Variants in DENND5B observed in about 807,000 individuals in gnomAD.
DENND5B encodes DENN domain containing 5B.
A neutral mutation model predicts 140.6 loss-of-function variants in DENND5B; 34 were observed. The observed-to-expected ratio is 0.24, with a 90% CI of 0.18 to 0.32. The LOEUF is 0.32. Among genes scored for constraint, DENND5B ranks in the 10% least tolerant of loss-of-function variants. The pLI, the probability that DENND5B is intolerant of heterozygous loss-of-function variation, is 1.00. For synonymous variants in DENND5B, 551 were observed against 562.1 expected, an observed-to-expected ratio of 0.98 and a Z score of 0.28; for missense variants, 1,142 against 1,560.2, an observed-to-expected ratio of 0.73 and a Z score of 4.52.
intron 1 of DENND5B, among the ~76,000 whole-genome samples, chr12:31,559,206 C>A (rs561787692): frequency 1.3e-5 from 2 of 152,098 alleles, no homozygotes; most frequent in Non-Finnish European, 2.9e-5. Flanking sequence ...GTGGAGGAAA[C>A]GATGAACTCA....
chr12:31,398,255 T>C lies in DENND5B; in HGVS notation c.3176A>G (p.Gln1059Arg), dbSNP rs1176898617. The change falls in exon 17 of 21, where the codon CAG becomes CGG. Residue 1059 changes from glutamine (Q) to arginine (R), a missense_variant. This residue lies in a region of DENND5B where 268 missense variants were observed against 349.2 expected (regional missense o/e 0.77). Coordinates refer to ENST00000389082, the MANE Select transcript of DENND5B (RefSeq NM_144973.4). ...CTTCTGCTGGGGTGGAGTCCGACAC[T>C]GCTTTACTAGATCTTCATCTGATGC... is the stretch of plus-strand genomic sequence containing the variant. ...TSASDEDLVK[Q>R]CRTPPQQKSP... The C allele has an allele frequency of 1.3e-6, 2 of 1,593,098 alleles. No individual in the cohort carries two copies. Among genetic ancestry groups the C allele is most frequent in the Non-Finnish European group, 1.7e-6 (2 of 1,169,314 alleles).
chr12:31,456,301 G>A (rs2138188450), intron 4 of DENND5B, among the ~76,000 whole-genome samples: 1 of 143,028 alleles, frequency 7.0e-6, no homozygotes, highest in East Asian at 2.1e-4. Flanking sequence ...CTGCACTCCA[G>A]CCTGGGCAAC....
chr12:31,589,741 TAACAAC>T (rs542208897), intron 1 of DENND5B, among the ~76,000 whole-genome samples: 2 of 152,016 alleles, frequency 1.3e-5, no homozygotes, highest in Non-Finnish European at 2.9e-5. Flanking sequence ...CTCACCCATT[TAACAAC>T]AACAACAAAT....
At chr12:31,422,498 G>A (rs913194286) in intron 11 of DENND5B, among the ~76,000 whole-genome samples, 15 of 151,990 alleles carry the variant, frequency 9.9e-5, no homozygotes, top group African/African-American at 3.6e-4. Context: ...CTACTCAGGA[G>A]GCTGAGGCAG....
In DENND5B at chr12:31,384,943, A is replaced by AT. The variant is rs879903902; in HGVS notation, c.*2659dup. On this transcript the variant is annotated 3_prime_UTR_variant, in exon 21 of 21. Transcript: ENST00000389082. ...ACCACCCCCCCGCTAATTTTTGTCT[A>AT]TTTTTTTTTTTTAGTAGAGACGGGG... The AT allele has an allele frequency of 4.0e-3, 549 of 138,770 alleles. 2 individuals are homozygous for AT. Among genetic ancestry groups the AT allele is most frequent in the African/African-American group, 0.012 (468 of 37,886 alleles). The allele number at this position is 138,770 out of a possible 1,614,324, so 8.6% of individuals were successfully genotyped here.
chr12:31,548,186 G>A (rs1477271830), intron 1 of DENND5B, among the ~76,000 whole-genome samples: 1 of 151,974 alleles, frequency 6.6e-6, no homozygotes, highest in African/African-American at 2.4e-5. Flanking sequence ...GAGCGCAGAA[G>A]TTCAAGACCA....
At chr12:31,522,941 G>C (rs2139016767) in intron 1 of DENND5B, among the ~76,000 whole-genome samples, 1 of 152,172 alleles carries the variant, frequency 6.6e-6, no homozygotes, top group African/African-American at 2.4e-5. Context: ...TTCAGACCTA[G>C]AGTGGGGCTG....
chr12:31,553,925 C>CCTCCAT (rs1949170111), intron 1 of DENND5B, among the ~76,000 whole-genome samples: 1 of 152,170 alleles, frequency 6.6e-6, no homozygotes, highest in Admixed American at 6.5e-5. Context: ...GGTAGATCTT[C>CCTCCAT]CTCCATCCCT....
In DENND5B at chr12:31,453,267, C is replaced by G. The variant is rs117411399; in HGVS notation, c.1093-791G>C. Among the ~76,000 whole-genome samples, 255 of 151,984 alleles carry G rather than the reference C, an allele frequency of 1.7e-3. 3 individuals carry two copies. The East Asian group carries it at 0.046, about 27-fold the overall frequency. Reference sequence around the variant, plus strand: ...ACCTTTGAATAATTAAGAGTTCACACAAGATATTTTTGAGTTGAGTAGAAG... The same window carrying G: ...ACCTTTGAATAATTAAGAGTTCACAGAAGATATTTTTGAGTTGAGTAGAAG... On this transcript the variant is annotated intron_variant, in intron 4 of 20. Coordinates refer to ENST00000389082, the MANE Select transcript of DENND5B (RefSeq NM_144973.4).
chr12:31,563,683 ACTGT>A (rs1380763571), intron 1 of DENND5B, among the ~76,000 whole-genome samples: 1 of 152,240 alleles, frequency 6.6e-6, no homozygotes, highest in African/African-American at 2.4e-5. Flanking sequence ...AGGATTATTT[ACTGT>A]CTCTCTTCAT....
chr12:31,409,355 C>T lies in DENND5B; in HGVS notation c.2711G>A (p.Arg904His), dbSNP rs1276257487. ...KKLYKRYAFL[R>H]CEEEREQFLY... is the part of the protein sequence containing the mutation. ...AAACTGCTCTCTTTCTTCTTCGCAACGTAGAAAAGCATATCGCTTATAAAG... is the reference window on the plus strand; with the variant it reads ...AAACTGCTCTCTTTCTTCTTCGCAATGTAGAAAAGCATATCGCTTATAAAG... Residue 904 changes from arginine to histidine, a missense_variant, in exon 14 of 21, where the codon CGT becomes CAT. Transcript: ENST00000389082. 7.7e-6 allele frequency: 12 copies of T among 1,551,084 alleles called. No individual in the cohort carries two copies. Among genetic ancestry groups the T allele is most frequent in the East Asian group, 2.4e-5 (1 of 41,870 alleles).
intron 2 of DENND5B, among the ~76,000 whole-genome samples, chr12:31,488,867 A>C (rs1418895210): frequency 6.6e-6 from 1 of 152,182 alleles, no homozygotes; most frequent in Non-Finnish European, 1.5e-5. Flanking sequence ...ACAACTAAAA[A>C]TTAGAGGTGT....
At chr12:31,441,927 C>T (rs1841364372) in intron 7 of DENND5B, among the ~76,000 whole-genome samples, 1 of 152,162 alleles carries the variant, frequency 6.6e-6, no homozygotes, top group Non-Finnish European at 1.5e-5. Flanking sequence ...AAGCTATCTG[C>T]CTGCCTCGGC....
At chr12:31,435,345 T>TA (rs1269547382) in intron 7 of DENND5B, among the ~76,000 whole-genome samples, 1 of 152,170 alleles carries the variant, frequency 6.6e-6, no homozygotes, top group Non-Finnish European at 1.5e-5. Context: ...TCTCAAAGTA[T>TA]AAAATACATT....
At position 31,433,235 on chromosome 12, in the gene DENND5B, G is replaced by C; in HGVS notation, c.2026C>G (p.Arg676Gly). 6.2e-7 allele frequency: 1 copy of C among 1,610,448 alleles called. No homozygotes were observed. The highest frequency in any genetic ancestry group is 8.5e-7 in the Non-Finnish European group (1 of 1,178,770). Residue 676 changes from arginine to glycine, a missense_variant, in exon 8 of 21, where the codon CGG becomes GGG. Physicochemically the swap from Arg to Gly is moderately radical, Grantham distance 125. This residue lies in a region of DENND5B where 708 missense variants were observed against 905.5 expected (regional missense o/e 0.78). Coordinates refer to ENST00000389082, the MANE Select transcript of DENND5B (RefSeq NM_144973.4). Reference sequence around the variant, plus strand: ...TTCCTGCGCTGTGCAGTGGCACTCCGACTTACCCAGCGACTGAAACAATCA... The same window carrying C: ...TTCCTGCGCTGTGCAGTGGCACTCCCACTTACCCAGCGACTGAAACAATCA... ...GPTSNNRWVSRSATAQRRKER... is the reference protein window; with the variant it reads ...GPTSNNRWVSGSATAQRRKER...
chr12:31,586,340 A>G (rs1460623387), intron 1 of DENND5B, among the ~76,000 whole-genome samples: 2 of 152,152 alleles, frequency 1.3e-5, no homozygotes, highest in African/African-American at 2.4e-5. Flanking sequence ...CTCCCAAAGG[A>G]CGTTTTGTTC....
At chr12:31,418,751 G>A (rs529727186) in intron 11 of DENND5B, among the ~76,000 whole-genome samples, 6 of 152,094 alleles carry the variant, frequency 3.9e-5, no homozygotes, top group Non-Finnish European at 7.4e-5. Context: ...TGGCTAGAGG[G>A]AGACACGACA....
chr12:31,478,372 T>C (rs1368231004), intron 3 of DENND5B, among the ~76,000 whole-genome samples: 1 of 152,134 alleles, frequency 6.6e-6, no homozygotes, highest in East Asian at 1.9e-4. Context: ...CCAGTCGGGA[T>C]TGCACTACAA....
At chr12:31,546,550 G>C (rs760852331) in intron 1 of DENND5B, among the ~76,000 whole-genome samples, 1 of 152,120 alleles carries the variant, frequency 6.6e-6, no homozygotes, top group Non-Finnish European at 1.5e-5. Context: ...AGCCAGGCAT[G>C]GTGGTACGCG....
Sources: allele counts gnomAD v4.1 joint callset (sites outside exome capture counted in the v4.1 genomes callset), GRCh38; gene constraint gnomAD v4.1.1; regional missense constraint gnomAD v4.1.1; transcripts MANE v1.5; gene names NCBI Gene and HGNC (gene_info 2026-07-23, HGNC 2026-07-21).